The following SGMS1 variants were observed in gnomAD, a reference collection of about 807,000 sequenced individuals.
The protein encoded by SGMS1 is sphingomyelin synthase 1.
A neutral mutation model predicts 46.2 loss-of-function variants in SGMS1; 13 were observed. That is an observed-to-expected ratio of 0.28 (90% CI 0.18 to 0.45). SGMS1 has a LOEUF of 0.45. SGMS1 is among the 20% of genes least tolerant of loss of function. The pLI is 1.00. For missense variants in SGMS1, 324 were observed against 519.9 expected (o/e 0.62, Z 3.66); for synonymous variants, 203 against 187.8 (o/e 1.08, Z -0.66).
At chr10:50,569,604 T>C (rs988264724) in intron 2 of SGMS1, among the ~76,000 whole-genome samples, 4 of 152,180 alleles carry the variant, frequency 2.6e-5, no homozygotes, top group Non-Finnish European at 5.9e-5. Flanking sequence ...TTTAGTGCAC[T>C]GTGGGGTAGA....
At chr10:50,454,465 C>T (rs752360525) in intron 5 of SGMS1, among the ~76,000 whole-genome samples, 2 of 151,832 alleles carry the variant, frequency 1.3e-5, no homozygotes, top group African/African-American at 2.4e-5. Flanking sequence ...AGAAAAAGGA[C>T]ATTATATATA....
At chr10:50,548,798 C>T (rs534856244) in intron 2 of SGMS1, among the ~76,000 whole-genome samples, 2 of 152,092 alleles carry the variant, frequency 1.3e-5, no homozygotes, top group East Asian at 1.9e-4. Context: ...AAAATTTTTG[C>T]AATCTATCCA....
At chr10:50,319,277 T>C (rs1847402399) in intron 8 of SGMS1, among the ~76,000 whole-genome samples, 1 of 152,164 alleles carries the variant, frequency 6.6e-6, no homozygotes, top group African/African-American at 2.4e-5. Flanking sequence ...ATTATCAAGA[T>C]TGTATCACAT....
intron 2 of SGMS1, among the ~76,000 whole-genome samples, chr10:50,569,234 T>C (rs951209210): frequency 3.4e-5 from 5 of 146,960 alleles, no homozygotes; most frequent in Middle Eastern, 3.5e-3. Context: ...CAAACCACCA[T>C]GGCACGTGTA....
intron 5 of SGMS1, among the ~76,000 whole-genome samples, chr10:50,434,681 C>T (rs1849451116): frequency 6.7e-6 from 1 of 150,078 alleles, no homozygotes; most frequent in Non-Finnish European, 1.5e-5. Context: ...TCGAGACCAT[C>T]CTGGCTAACA....
chr10:50,534,402 C>T (rs1412062196), intron 2 of SGMS1, among the ~76,000 whole-genome samples: 3 of 152,260 alleles, frequency 2.0e-5, no homozygotes, highest in African/African-American at 4.8e-5. Context: ...TGAACCAACG[C>T]AATATTTTGT....
At chr10:50,618,008 C>T (rs1459851268) in intron 1 of SGMS1, among the ~76,000 whole-genome samples, 5 of 151,964 alleles carry the variant, frequency 3.3e-5, no homozygotes, top group East Asian at 1.9e-4. Context: ...ATTGAGCCAC[C>T]ACGCTCAGCC....
intron 7 of SGMS1, among the ~76,000 whole-genome samples, chr10:50,329,073 A>G (rs2133319518): frequency 6.6e-6 from 1 of 152,342 alleles, no homozygotes; most frequent in Non-Finnish European, 1.5e-5. Flanking sequence ...TTAGAGGAAG[A>G]AAAATAAAAT....
intron 2 of SGMS1, among the ~76,000 whole-genome samples, chr10:50,546,325 G>A (rs1838100380): frequency 6.6e-6 from 1 of 151,770 alleles, no homozygotes; most frequent in South Asian, 2.1e-4. Context: ...CCCTGCTTAG[G>A]GCTCTAGAAC....
intron 5 of SGMS1, among the ~76,000 whole-genome samples, chr10:50,438,085 G>A (rs951390708): frequency 5.3e-5 from 8 of 152,304 alleles, no homozygotes; most frequent in South Asian, 2.1e-4. Context: ...TATTAAGTAG[G>A]AGAATGGACA....
intron 7 of SGMS1, chr10:50,341,119 T>G: frequency 6.0e-6 from 2 of 331,790 alleles, no homozygotes; most frequent in Non-Finnish European, 1.2e-5. Context: ...ACCAGAAGGA[T>G]CAATTTCTCC....
At chr10:50,520,206 A>G (rs1837845413) in intron 2 of SGMS1, among the ~76,000 whole-genome samples, 1 of 152,144 alleles carries the variant, frequency 6.6e-6, no homozygotes, top group Admixed American at 6.6e-5. Context: ...CCTGGGCAAT[A>G]TAGCAAGACC....
intron 2 of SGMS1, among the ~76,000 whole-genome samples, chr10:50,530,679 C>A (rs1464600718): frequency 6.6e-6 from 1 of 151,812 alleles, no homozygotes; most frequent in Admixed American, 6.6e-5. Flanking sequence ...CTGACAGGGT[C>A]TTGCTGTGTT....
intron 5 of SGMS1, among the ~76,000 whole-genome samples, chr10:50,438,245 T>C (rs1287056726): frequency 6.6e-6 from 1 of 152,246 alleles, no homozygotes; most frequent in Admixed American, 6.5e-5. Context: ...GACTTGCTTG[T>C]AGCCAATAGA....
At chr10:50,323,153 T>C (rs1847476585) in intron 8 of SGMS1, among the ~76,000 whole-genome samples, 3 of 152,234 alleles carry the variant, frequency 2.0e-5, no homozygotes, top group Admixed American at 2.0e-4. Context: ...TGAGCGATTA[T>C]ATTTTGTGAA....
intron 6 of SGMS1, among the ~76,000 whole-genome samples, chr10:50,372,710 A>AAAAAACAAAAAACT (rs1848459761): frequency 6.6e-6 from 1 of 151,966 alleles, no homozygotes; most frequent in Non-Finnish European, 1.5e-5. Context: ...AACAAAAAAC[A>AAAAAACAAAAAACT]CACACAGCTA....
At chr10:50,448,006 T>C (rs1286040265) in intron 5 of SGMS1, among the ~76,000 whole-genome samples, 2 of 152,240 alleles carry the variant, frequency 1.3e-5, no homozygotes, top group African/African-American at 4.8e-5. Flanking sequence ...TCAGGAACTG[T>C]AGTGACTCCC....
chr10:50,538,619 C>A (rs917293233), intron 2 of SGMS1, among the ~76,000 whole-genome samples: 2 of 152,148 alleles, frequency 1.3e-5, no homozygotes, highest in African/African-American at 4.8e-5. Context: ...CACCCCTCAT[C>A]ATCATGACCA....
At chr10:50,397,566 A>G (rs75233671) in intron 6 of SGMS1, among the ~76,000 whole-genome samples, 6 of 152,288 alleles carry the variant, frequency 3.9e-5, no homozygotes, top group Non-Finnish European at 7.4e-5. Context: ...TCTGAAGAAC[A>G]AAGTGTCTGG....
Sources: allele counts gnomAD v4.1 joint callset (sites outside exome capture counted in the v4.1 genomes callset), GRCh38; gene constraint gnomAD v4.1.1; transcripts MANE v1.5; gene names NCBI Gene and HGNC (gene_info 2026-07-23, HGNC 2026-07-21).